Variants in GRM5 observed in about 807,000 individuals in gnomAD.
The protein encoded by GRM5 is metabotropic glutamate receptor 5.
In GRM5, 19 loss-of-function variants were observed where a neutral mutation model predicts 83.1. The observed-to-expected ratio is 0.23, with a 90% confidence interval of 0.16 to 0.34. The LOEUF (loss-of-function observed/expected upper bound fraction) is 0.34, where lower values mean the gene tolerates loss of function less well. Ranked by LOEUF, GRM5 falls within the 10% of genes least tolerant of loss-of-function variation. The pLI, the probability that GRM5 is intolerant of heterozygous loss-of-function variation, is 1.00. For missense variants in GRM5, 1,160 were observed against 1,588.3 expected (o/e 0.73, Z 4.58); for synonymous variants, 675 against 633.6 (o/e 1.07, Z -0.98).
At chr11:88,561,378 C>T (rs572823973) in intron 8 of GRM5, among the ~76,000 whole-genome samples, 1 of 152,282 alleles carries the variant, frequency 6.6e-6, no homozygotes, top group South Asian at 2.1e-4. Context: ...ATTCTGCCCC[C>T]TGACTAGAAT....
chr11:88,835,836 A>G (rs1238444681), intron 3 of GRM5, among the ~76,000 whole-genome samples: 1 of 152,242 alleles, frequency 6.6e-6, no homozygotes, highest in African/African-American at 2.4e-5. Flanking sequence ...CTTTGGGTTG[A>G]ATGAGGAGGT....
chr11:88,656,453 T>C (rs1266399769), intron 3 of GRM5, among the ~76,000 whole-genome samples: 1 of 152,208 alleles, frequency 6.6e-6, no homozygotes, highest in Non-Finnish European at 1.5e-5. Flanking sequence ...TTTGCAGTCA[T>C]TCATGGGCAT....
At chr11:88,637,656 C>T (rs964316546) in intron 4 of GRM5, among the ~76,000 whole-genome samples, 5 of 146,686 alleles carry the variant, frequency 3.4e-5, no homozygotes, top group Non-Finnish European at 6.1e-5. Flanking sequence ...CAGGAAACAA[C>T]AGGTGCTGGA....
intron 2 of GRM5, among the ~76,000 whole-genome samples, chr11:88,987,230 G>C (rs1939753767): frequency 6.6e-6 from 1 of 152,170 alleles, no homozygotes; most frequent in Non-Finnish European, 1.5e-5. Flanking sequence ...CCCTTTCCTA[G>C]TCAAAGAAAG....
At chr11:88,676,874 T>C (rs951213739) in intron 3 of GRM5, among the ~76,000 whole-genome samples, 1 of 152,096 alleles carries the variant, frequency 6.6e-6, no homozygotes, top group African/African-American at 2.4e-5. Context: ...TGTGCTCAAA[T>C]GGGGACAAGA....
intron 3 of GRM5, among the ~76,000 whole-genome samples, chr11:88,827,541 T>G (rs1412454735): frequency 6.6e-6 from 1 of 152,226 alleles, no homozygotes; most frequent in African/African-American, 2.4e-5. Flanking sequence ...TAACACTCTT[T>G]GAACAGCTGA....
intron 2 of GRM5, among the ~76,000 whole-genome samples, chr11:88,907,652 G>A (rs1751892140): frequency 6.6e-6 from 1 of 152,052 alleles, no homozygotes; most frequent in African/African-American, 2.4e-5. Context: ...AGGTGGGAGA[G>A]CAGAATAACT....
chr11:88,561,520 C>T (rs1942754618), intron 8 of GRM5, among the ~76,000 whole-genome samples: 1 of 152,126 alleles, frequency 6.6e-6, no homozygotes, highest in Non-Finnish European at 1.5e-5. Context: ...CTGAATCTTG[C>T]AGAGCTAGAA....
intron 3 of GRM5, among the ~76,000 whole-genome samples, chr11:88,688,281 T>C (rs537103438): frequency 6.6e-6 from 1 of 152,318 alleles, no homozygotes; most frequent in African/African-American, 2.4e-5. Context: ...TAACAACTAG[T>C]TATTATATAA....
In GRM5 at chr11:88,509,504, A is replaced by G; in HGVS notation, c.2727T>C (p.Ser909=). 1 of 1,609,016 alleles carries G rather than the reference A, an allele frequency of 6.2e-7. No homozygotes were observed. Residue 909 remains serine, a splice_region_variant and synonymous_variant, in exon 10 of 10, where the codon AGT becomes AGC. Transcript: ENST00000305447. ...CCCACGTGACGGATTTTCCATTGGA[A>G]CTGAGGAGAGAAGGGAGAGGAAAGG... The part of the protein sequence containing the change: ...MGNGGRATMS[S]SNGKSVTWAQ...
At chr11:89,021,460 T>C (rs1276855197) in intron 2 of GRM5, among the ~76,000 whole-genome samples, 2 of 152,172 alleles carry the variant, frequency 1.3e-5, no homozygotes, top group Non-Finnish European at 2.9e-5. Context: ...GGGCTGTATA[T>C]ACCAGAATTA....
At chr11:88,647,986 T>C (rs1939511132) in intron 4 of GRM5, among the ~76,000 whole-genome samples, 1 of 150,218 alleles carries the variant, frequency 6.7e-6, no homozygotes, top group African/African-American at 2.4e-5. Flanking sequence ...ATGGCAATCA[T>C]TAAAAAGTCA....
At chr11:88,650,707 C>T (rs760800381) in intron 4 of GRM5, among the ~76,000 whole-genome samples, 20 of 151,830 alleles carry the variant, frequency 1.3e-4, no homozygotes, top group Non-Finnish European at 2.5e-4. Flanking sequence ...TAATTATTTT[C>T]CTTGTATCTT....
chr11:88,781,063 A>G (rs1942965176), intron 3 of GRM5, among the ~76,000 whole-genome samples: 1 of 151,236 alleles, frequency 6.6e-6, no homozygotes, highest in African/African-American at 2.4e-5. Flanking sequence ...ATAGAGCTGG[A>G]AAAACACATA....
chr11:88,841,638 G>T (rs561727162), intron 3 of GRM5, among the ~76,000 whole-genome samples: 3 of 152,124 alleles, frequency 2.0e-5, no homozygotes, highest in South Asian at 2.1e-4. Flanking sequence ...TGCTGGATTT[G>T]TTTATCTTGA....
intron 3 of GRM5, among the ~76,000 whole-genome samples, chr11:88,737,172 A>T (rs938744506): frequency 6.6e-6 from 1 of 152,078 alleles, no homozygotes; most frequent in Non-Finnish European, 1.5e-5. Flanking sequence ...AAGATGATAC[A>T]TTCTCATAAG....
chr11:88,655,563 T>C (rs1939745202), intron 3 of GRM5, among the ~76,000 whole-genome samples: 1 of 152,144 alleles, frequency 6.6e-6, no homozygotes, highest in Non-Finnish European at 1.5e-5. Context: ...TTAACAGGGA[T>C]TGTAAAAAGT....
At chr11:88,586,137 T>C (rs1943309984) in intron 7 of GRM5, among the ~76,000 whole-genome samples, 1 of 151,756 alleles carries the variant, frequency 6.6e-6, no homozygotes, top group Admixed American at 6.6e-5. Context: ...CATATTCACA[T>C]GTATTTATGT....
chr11:88,727,801 A>G (rs1373619614), intron 3 of GRM5, among the ~76,000 whole-genome samples: 2 of 152,216 alleles, frequency 1.3e-5, no homozygotes, highest in African/African-American at 2.4e-5. Flanking sequence ...TAACAAAATT[A>G]AGGCAGAAAT....
Sources: allele counts gnomAD v4.1 joint callset (sites outside exome capture counted in the v4.1 genomes callset), GRCh38; gene constraint gnomAD v4.1.1; transcripts MANE v1.5; gene names NCBI Gene and HGNC (gene_info 2026-07-23, HGNC 2026-07-21).